The following CTNNA3 variants were observed in gnomAD, a reference collection of about 807,000 sequenced individuals.
The protein encoded by CTNNA3 is catenin alpha-3.
CTNNA3 carries 76 observed loss-of-function variants against 95.7 expected under a neutral mutation model. The observed-to-expected ratio is 0.79, with a 90% confidence interval of 0.66 to 0.96. CTNNA3 has a LOEUF of 0.96. CTNNA3 is among the 40% of genes least tolerant of loss of function. CTNNA3 has a pLI of 0.00. For synonymous variants in CTNNA3, 431 were observed against 374.4 expected, an observed-to-expected ratio of 1.15 and a Z score of -1.74; for missense variants, 1,191 against 1,089.8, an observed-to-expected ratio of 1.09 and a Z score of -1.31.
chr10:66,278,377 A>C (rs560227203), intron 13 of CTNNA3, among the ~76,000 whole-genome samples: 2 of 151,940 alleles, frequency 1.3e-5, no homozygotes, highest in Admixed American at 1.3e-4. Context: ...AAGTTTGTTG[A>C]AAATTAAATA....
At chr10:67,226,150 A>T (rs1328562217) in intron 5 of CTNNA3, among the ~76,000 whole-genome samples, 3 of 152,210 alleles carry the variant, frequency 2.0e-5, no homozygotes, top group Non-Finnish European at 4.4e-5. Flanking sequence ...AGGTCTTCAA[A>T]TTAACCCAAT....
rs187851966 is a variant in CTNNA3 at position 66,425,272 on chromosome 10, A to C, written c.1532-45920T>G. On this transcript the variant is annotated intron_variant, in intron 11 of 17. Transcript: ENST00000433211. The stretch of plus-strand genomic sequence containing the variant: ...TAGCAGTTAGTTTTTTTAATCTAAT[A>C]TAATACATTTAATATTTTATTAGAA... Among the ~76,000 whole-genome samples the C allele has an allele frequency of 9.3e-4, 139 of 150,112 alleles. No homozygotes were observed. In the Middle Eastern group the frequency reaches 0.014, roughly 15 times the overall value.
At chr10:67,582,735 G>A (rs1336122260) in intron 3 of CTNNA3, among the ~76,000 whole-genome samples, 1 of 152,050 alleles carries the variant, frequency 6.6e-6, no homozygotes, top group Admixed American at 6.5e-5. Flanking sequence ...TTATTAATCT[G>A]TGGCCTCCTG....
chr10:66,602,970 C>A (rs998095392), intron 10 of CTNNA3, among the ~76,000 whole-genome samples: 1 of 152,100 alleles, frequency 6.6e-6, no homozygotes, highest in Admixed American at 6.5e-5. Context: ...CCATATGTGA[C>A]AAACCTATAG....
intron 12 of CTNNA3, among the ~76,000 whole-genome samples, chr10:66,357,848 G>A (rs1481350856): frequency 2.0e-5 from 3 of 152,026 alleles, no homozygotes; most frequent in Non-Finnish European, 4.4e-5. Flanking sequence ...TAACACATAC[G>A]TATATTGTTT....
intron 1 of CTNNA3, among the ~76,000 whole-genome samples, chr10:67,728,084 TATA>T (rs956780724): frequency 7.0e-6 from 1 of 143,310 alleles, no homozygotes; most frequent in Non-Finnish European, 1.5e-5. Flanking sequence ...TTATATATTA[TATA>T]ATATGTAATA....
chr10:67,004,866 AC>A (rs1359375994), intron 7 of CTNNA3, among the ~76,000 whole-genome samples: 1 of 152,164 alleles, frequency 6.6e-6, no homozygotes, highest in Non-Finnish European at 1.5e-5. Flanking sequence ...CAAAGCCACC[AC>A]TTCCTCCAGC....
intron 5 of CTNNA3, among the ~76,000 whole-genome samples, chr10:67,383,296 A>G (rs983854762): frequency 6.6e-6 from 1 of 152,212 alleles, no homozygotes; most frequent in Non-Finnish European, 1.5e-5. Context: ...TGAAAAAGCC[A>G]TGGTACCTAC....
chr10:66,926,774 C>G, intron 7 of CTNNA3: 1 of 960,576 alleles, frequency 1.0e-6, no homozygotes, highest in Non-Finnish European at 1.5e-6. Context: ...AAAGACAATT[C>G]TCTTTAATTA....
chr10:66,431,458 G>A (rs1457971302), intron 11 of CTNNA3, among the ~76,000 whole-genome samples: 1 of 152,014 alleles, frequency 6.6e-6, no homozygotes, highest in Non-Finnish European at 1.5e-5. Context: ...TATGTTTATT[G>A]TGGCACTATT....
intron 5 of CTNNA3, among the ~76,000 whole-genome samples, chr10:67,434,887 C>A (rs1230369764): frequency 6.6e-6 from 1 of 151,964 alleles, no homozygotes; most frequent in Non-Finnish European, 1.5e-5. Context: ...CATATCTAAA[C>A]CCACATTCCC....
chr10:66,211,708 A>T (rs959731608), intron 13 of CTNNA3, among the ~76,000 whole-genome samples: 9 of 152,208 alleles, frequency 5.9e-5, no homozygotes, highest in African/African-American at 1.9e-4. Context: ...CCAAGAGGGC[A>T]ACATGCCCGG....
At chr10:65,939,939 T>C (rs1045227694) in intron 17 of CTNNA3, among the ~76,000 whole-genome samples, 1 of 152,206 alleles carries the variant, frequency 6.6e-6, no homozygotes, top group Non-Finnish European at 1.5e-5. Flanking sequence ...GGAAGGGAAC[T>C]GTATATTATT....
At chr10:67,378,855 A>G (rs1419051505) in intron 5 of CTNNA3, among the ~76,000 whole-genome samples, 1 of 152,208 alleles carries the variant, frequency 6.6e-6, no homozygotes, top group Non-Finnish European at 1.5e-5. Context: ...TATCATAATA[A>G]GTAACATATA....
At chr10:66,547,343 C>CTTTTTTTTTTTTTTTTTTTTGTT (rs1246714246) in intron 10 of CTNNA3, among the ~76,000 whole-genome samples, 1 of 83,132 alleles carries the variant, frequency 1.2e-5, no homozygotes, top group African/African-American at 4.6e-5. Context: ...ATTTTTCTTT[C>CTTTTTTTTTTTTTTTTTTTTGTT]TTTCTTTTTT....
chr10:67,344,095 T>A (rs1842323350), intron 5 of CTNNA3, among the ~76,000 whole-genome samples: 1 of 151,826 alleles, frequency 6.6e-6, no homozygotes, highest in African/African-American at 2.4e-5. Context: ...TTGAAATGAA[T>A]GTATGATTTT....
At chr10:66,569,920 G>A (rs1842817741) in intron 10 of CTNNA3, among the ~76,000 whole-genome samples, 2 of 152,126 alleles carry the variant, frequency 1.3e-5, no homozygotes, top group Non-Finnish European at 2.9e-5. Flanking sequence ...GTAGATATTT[G>A]TTAAATGTTT....
chr10:67,645,085 A>G (rs955424639), intron 2 of CTNNA3, among the ~76,000 whole-genome samples: 1 of 152,166 alleles, frequency 6.6e-6, no homozygotes, highest in Non-Finnish European at 1.5e-5. Flanking sequence ...CCAATCAAAC[A>G]AGATTACTCA....
intron 5 of CTNNA3, among the ~76,000 whole-genome samples, chr10:67,247,106 TC>T (rs1865936499): frequency 6.6e-6 from 1 of 152,188 alleles, no homozygotes; most frequent in Non-Finnish European, 1.5e-5. Flanking sequence ...AACAAGGATG[TC>T]CCCTTTCACT....
Sources: allele counts gnomAD v4.1 joint callset (sites outside exome capture counted in the v4.1 genomes callset), GRCh38; gene constraint gnomAD v4.1.1; transcripts MANE v1.5; gene names NCBI Gene and HGNC (gene_info 2026-07-23, HGNC 2026-07-21).